The following AGMO variants were observed in gnomAD, a reference collection of about 807,000 sequenced individuals.
AGMO encodes glyceryl-ether monooxygenase.
In AGMO, 75 loss-of-function variants were observed where a neutral mutation model predicts 60.2. The ratio of observed to expected loss-of-function variants is 1.25; its 90% CI spans 1.03 to 1.51. The LOEUF (loss-of-function observed/expected upper bound fraction) is 1.51, where lower values mean the gene tolerates loss of function less well. Ranked by LOEUF, AGMO falls within the 40% of genes most tolerant of loss-of-function variation. AGMO has a pLI of 0.00. For synonymous variants in AGMO, 261 were observed against 177.1 expected, an observed-to-expected ratio of 1.47 and a Z score of -3.76; for missense variants, 763 against 525.5, an observed-to-expected ratio of 1.45 and a Z score of -4.42.
intron 12 of AGMO, among the ~76,000 whole-genome samples, chr7:15,286,254 G>T (rs1258129679): frequency 6.6e-6 from 1 of 152,028 alleles, no homozygotes; most frequent in African/African-American, 2.4e-5. Flanking sequence ...CTTCTGCACA[G>T]CAAAAGAATT....
chr7:15,304,524 T>C (rs2128527855), intron 12 of AGMO, among the ~76,000 whole-genome samples: 1 of 152,218 alleles, frequency 6.6e-6, no homozygotes, highest in Admixed American at 6.6e-5. Flanking sequence ...TCAGTTTTAT[T>C]ACAGAAATAT....
chr7:15,289,673 G>A (rs183181549), intron 12 of AGMO, among the ~76,000 whole-genome samples: 1 of 152,030 alleles, frequency 6.6e-6, no homozygotes. Flanking sequence ...CTACTTCCCT[G>A]GAAAATAACG....
chr7:15,286,237 G>A (rs1157613334), intron 12 of AGMO, among the ~76,000 whole-genome samples: 4 of 151,750 alleles, frequency 2.6e-5, no homozygotes, highest in African/African-American at 7.3e-5. Flanking sequence ...CTAATTAAAC[G>A]AAAAAGCTTC....
the AGMO span, among the ~76,000 whole-genome samples, chr7:15,152,112 G>T: frequency 5.8e-4 from 89 of 152,216 alleles, 1 homozygote; most frequent in Middle Eastern, 3.4e-3. Flanking sequence ...ATCTTCTTTT[G>T]AATTGAACCT....
intron 12 of AGMO, among the ~76,000 whole-genome samples, chr7:15,251,890 C>T (rs562932374): frequency 1.3e-5 from 2 of 152,290 alleles, no homozygotes; most frequent in Admixed American, 6.5e-5. Flanking sequence ...TTGCAAGAGG[C>T]ATGCTAGTTA....
chr7:15,407,038 C>T (rs28505968), intron 5 of AGMO, among the ~76,000 whole-genome samples: 3 of 142,200 alleles, frequency 2.1e-5, no homozygotes, highest in Admixed American at 7.2e-5. Flanking sequence ...TGTATATACA[C>T]ACATATATAT....
intron 12 of AGMO, among the ~76,000 whole-genome samples, chr7:15,243,043 C>T (rs923911464): frequency 2.0e-5 from 3 of 151,772 alleles, no homozygotes; most frequent in African/African-American, 7.3e-5. Context: ...CTTTAAATGG[C>T]TATTCTATTA....
chr7:15,143,632 G>A, the AGMO span, among the ~76,000 whole-genome samples: 1 of 151,338 alleles, frequency 6.6e-6, no homozygotes, highest in Non-Finnish European at 1.5e-5. Context: ...TCCATTCAGT[G>A]AAACAAGATG....
the AGMO span, among the ~76,000 whole-genome samples, chr7:15,186,092 C>T: frequency 2.6e-5 from 4 of 152,146 alleles, no homozygotes; most frequent in African/African-American, 4.8e-5. Flanking sequence ...CTCTCAATAC[C>T]TTGGCCATTG....
intron 12 of AGMO, among the ~76,000 whole-genome samples, chr7:15,341,380 CTTTTGCTAAAGCA>C (rs764595862): frequency 1.3e-5 from 2 of 152,140 alleles, no homozygotes; most frequent in Non-Finnish European, 2.9e-5. Flanking sequence ...GCCACCAGTC[CTTTTGCTAAAGCA>C]TTACAAGAGT....
At chr7:15,218,327 A>ATGTGTGTGTGTGTGTGTG (rs138890087) in intron 12 of AGMO, among the ~76,000 whole-genome samples, 88 of 144,010 alleles carry the variant, frequency 6.1e-4, no homozygotes, top group African/African-American at 2.2e-3. Flanking sequence ...TGGTGTGTGT[A>ATGTGTGTGTGTGTGTGTG]TGTGTGTGTG....
the AGMO span, among the ~76,000 whole-genome samples, chr7:15,119,948 T>A: frequency 2.9e-5 from 4 of 138,482 alleles, no homozygotes; most frequent in African/African-American, 1.1e-4. Flanking sequence ...TTTTTTTTTC[T>A]AAATCCAGTT....
the AGMO span, among the ~76,000 whole-genome samples, chr7:15,123,102 A>G: frequency 6.6e-6 from 1 of 151,812 alleles, no homozygotes; most frequent in African/African-American, 2.4e-5. Context: ...GACCTAGACT[A>G]TTTTTTTCTC....
At chr7:15,330,418 C>A (rs911142189) in intron 12 of AGMO, among the ~76,000 whole-genome samples, 3 of 152,136 alleles carry the variant, frequency 2.0e-5, no homozygotes, top group African/African-American at 7.2e-5. Context: ...TGCTTCTCTG[C>A]TAATTTCACT....
chr7:15,312,673 C>T (rs555031325), intron 12 of AGMO, among the ~76,000 whole-genome samples: 1 of 152,144 alleles, frequency 6.6e-6, no homozygotes, highest in African/African-American at 2.4e-5. Flanking sequence ...ATCAGACACT[C>T]ACTAAAAGAA....
At chr7:15,461,317 C>A (rs952668578) in intron 3 of AGMO, among the ~76,000 whole-genome samples, 11 of 151,368 alleles carry the variant, frequency 7.3e-5, no homozygotes, top group Non-Finnish European at 1.3e-4. Flanking sequence ...AAACTTTATA[C>A]CCCTTTTCTA....
intron 3 of AGMO, among the ~76,000 whole-genome samples, chr7:15,543,694 T>C (rs927158743): frequency 2.0e-5 from 3 of 151,980 alleles, no homozygotes; most frequent in Non-Finnish European, 4.4e-5. Context: ...ATAACAATAA[T>C]GGAAGGCAGT....
the AGMO span, among the ~76,000 whole-genome samples, chr7:15,128,910 G>A: frequency 1.6e-3 from 244 of 152,170 alleles, no homozygotes; most frequent in Non-Finnish European, 2.9e-3. Context: ...AGCCAATGTC[G>A]CTCACATTTG....
At chr7:15,460,106 C>CTTTTTTTTTTT (rs67388173) in intron 3 of AGMO, among the ~76,000 whole-genome samples, 4 of 121,696 alleles carry the variant, frequency 3.3e-5, no homozygotes, top group Admixed American at 8.0e-5. Context: ...CCAATTTCCC[C>CTTTTTTTTTTT]TTTTTTTTTT....
Sources: gnomAD v4.1 joint callset for allele counts (sites outside exome capture counted in the v4.1 genomes callset) on GRCh38, gnomAD v4.1.1 for gene constraint, MANE v1.5 for transcripts, NCBI Gene and HGNC (gene_info 2026-07-23, HGNC 2026-07-21) for gene names.